Variants in FTO observed in about 807,000 individuals in gnomAD.
The protein encoded by FTO is FTO alpha-ketoglutarate dependent dioxygenase, also known as alpha-ketoglutarate-dependent dioxygenase FTO.
A neutral mutation model predicts 63.9 loss-of-function variants in FTO; 47 were observed. The ratio of observed to expected loss-of-function variants is 0.74; its 90% CI spans 0.58 to 0.94. The LOEUF (loss-of-function observed/expected upper bound fraction) is 0.94. FTO is among the 40% of genes least tolerant of loss of function. The pLI is 0.00. For synonymous variants in FTO, 207 were observed against 224.4 expected, an observed-to-expected ratio of 0.92 and a Z score of 0.69; for missense variants, 562 against 618.1, an observed-to-expected ratio of 0.91 and a Z score of 0.96.
intron 8 of FTO, among the ~76,000 whole-genome samples, chr16:53,974,009 C>T (rs1333996174): frequency 4.6e-5 from 7 of 152,108 alleles, no homozygotes; most frequent in African/African-American, 9.7e-5. Flanking sequence ...TCAAGTAAAG[C>T]CAGAAATTCA....
At chr16:53,722,656 G>A (rs1284387034) in intron 1 of FTO, among the ~76,000 whole-genome samples, 5 of 151,850 alleles carry the variant, frequency 3.3e-5, no homozygotes, top group African/African-American at 7.3e-5. Context: ...GTGAAACCCC[G>A]TCTCTACTAA....
chr16:53,965,528 G>A (rs1488846582), intron 8 of FTO, among the ~76,000 whole-genome samples: 2 of 152,160 alleles, frequency 1.3e-5, no homozygotes, highest in Non-Finnish European at 2.9e-5. Flanking sequence ...AAGGGCAACT[G>A]TACTGGGGAT....
intron 8 of FTO, among the ~76,000 whole-genome samples, chr16:54,090,979 A>G (rs1204199211): frequency 6.6e-6 from 1 of 152,178 alleles, no homozygotes; most frequent in Non-Finnish European, 1.5e-5. Context: ...ATGGCGGCTC[A>G]AGACACCTAA....
chr16:53,707,825 A>G (rs1431171122), intron 1 of FTO, among the ~76,000 whole-genome samples: 3 of 152,306 alleles, frequency 2.0e-5, no homozygotes, highest in Middle Eastern at 6.8e-3. Context: ...CCACCGTCTT[A>G]TTTTAGAACA....
chr16:53,963,410 A>G (rs199830401), intron 8 of FTO, among the ~76,000 whole-genome samples: 2 of 152,296 alleles, frequency 1.3e-5, no homozygotes, highest in East Asian at 3.9e-4. Flanking sequence ...AAGCTGATTG[A>G]CATCATTTGG....
At chr16:53,829,438 A>G (rs753513548) in intron 3 of FTO, among the ~76,000 whole-genome samples, 23 of 152,216 alleles carry the variant, frequency 1.5e-4, no homozygotes, top group Non-Finnish European at 2.9e-4. Flanking sequence ...TCTGGGTCAG[A>G]TGGTGTACAA....
At chr16:53,946,382 C>T (rs1191891310) in intron 8 of FTO, among the ~76,000 whole-genome samples, 1 of 152,150 alleles carries the variant, frequency 6.6e-6, no homozygotes, top group Non-Finnish European at 1.5e-5. Context: ...GATTACCTTT[C>T]TCTCCATAGT....
intron 1 of FTO, among the ~76,000 whole-genome samples, chr16:53,806,537 C>G (rs1346630448): frequency 6.6e-6 from 1 of 152,182 alleles, no homozygotes; most frequent in East Asian, 1.9e-4. Flanking sequence ...AGTTCATAAA[C>G]AGAGAGCGTC....
At chr16:54,089,817 C>A (rs930554473) in intron 8 of FTO, among the ~76,000 whole-genome samples, 1 of 150,590 alleles carries the variant, frequency 6.6e-6, no homozygotes, top group Non-Finnish European at 1.5e-5. Flanking sequence ...AAATGCAAAT[C>A]GAAACCTCAA....
intron 1 of FTO, among the ~76,000 whole-genome samples, chr16:53,783,278 G>C (rs1327252784): frequency 6.6e-6 from 1 of 151,974 alleles, no homozygotes; most frequent in African/African-American, 2.4e-5. Flanking sequence ...TCAGGAGTCC[G>C]AGACCAACCC....
intron 8 of FTO, among the ~76,000 whole-genome samples, chr16:53,983,322 T>G (rs1451527804): frequency 6.6e-6 from 1 of 152,096 alleles, no homozygotes; most frequent in Non-Finnish European, 1.5e-5. Context: ...TAGTTTGCCT[T>G]TAAAACATGC....
chr16:54,077,956 G>T (rs1283567894), intron 8 of FTO, among the ~76,000 whole-genome samples: 1 of 152,110 alleles, frequency 6.6e-6, no homozygotes, highest in Non-Finnish European at 1.5e-5. Context: ...ACATACCAAG[G>T]ATGGGGCAGT....
intron 4 of FTO, among the ~76,000 whole-genome samples, chr16:53,861,602 A>G (rs192429963): frequency 5.3e-4 from 80 of 152,206 alleles, no homozygotes; most frequent in Non-Finnish European, 9.4e-4. Context: ...ATTTTCTTAT[A>G]CCCAATTTTC....
chr16:53,922,746 A>T (rs1334732552), intron 7 of FTO, among the ~76,000 whole-genome samples: 1 of 152,198 alleles, frequency 6.6e-6, no homozygotes, highest in Non-Finnish European at 1.5e-5. Flanking sequence ...TTGTGCCTGG[A>T]GTGGAATGTC....
chr16:53,869,345 C>T (rs1401681589), intron 4 of FTO, among the ~76,000 whole-genome samples: 2 of 151,906 alleles, frequency 1.3e-5, no homozygotes, highest in African/African-American at 2.4e-5. Context: ...TGACTTTCTG[C>T]AGTTTGAATA....
At chr16:54,086,294 A>G (rs1367810510) in intron 8 of FTO, among the ~76,000 whole-genome samples, 1 of 152,198 alleles carries the variant, frequency 6.6e-6, no homozygotes, top group Non-Finnish European at 1.5e-5. Context: ...GAAAAACACA[A>G]GATTGCCCAT....
intron 8 of FTO, among the ~76,000 whole-genome samples, chr16:53,962,510 C>T (rs1394616815): frequency 6.6e-6 from 1 of 152,120 alleles, no homozygotes; most frequent in Non-Finnish European, 1.5e-5. Flanking sequence ...GAGGCCTGAA[C>T]GTCGAAGTAC....
chr16:53,945,975 C>A, intron 8 of FTO, among the ~76,000 whole-genome samples: 1 of 152,150 alleles, frequency 6.6e-6, no homozygotes, highest in East Asian at 1.9e-4. Flanking sequence ...TAATTTTATT[C>A]TATCTCAGGG....
At chr16:53,705,549 A>G (rs1232901218) in intron 1 of FTO, among the ~76,000 whole-genome samples, 1 of 152,220 alleles carries the variant, frequency 6.6e-6, no homozygotes, top group Non-Finnish European at 1.5e-5. Flanking sequence ...ATAGAATTTC[A>G]TCTTACACGT....
Sources: allele counts gnomAD v4.1 joint callset (sites outside exome capture counted in the v4.1 genomes callset), GRCh38; gene constraint gnomAD v4.1.1; transcripts MANE v1.5; gene names NCBI Gene and HGNC (gene_info 2026-07-23, HGNC 2026-07-21).